The following CDH4 variants were observed in gnomAD, a reference collection of about 807,000 sequenced individuals.
CDH4 encodes the protein cadherin 4.
In CDH4, 33 loss-of-function variants were observed where a neutral mutation model predicts 86.0. The observed-to-expected ratio is 0.38, with a 90% CI of 0.29 to 0.51. The LOEUF is 0.51. CDH4 is among the 20% of genes least tolerant of loss of function. The pLI is 0.86. For missense variants in CDH4, 1,114 were observed against 1,307.4 expected (o/e 0.85, Z 2.28); for synonymous variants, 555 against 549.4 (o/e 1.01, Z -0.14).
rs951937752 is a variant in CDH4, at chr20:61,352,557, C to T, written c.169+97620C>T. On this transcript the variant is annotated intron_variant, in intron 2 of 15. Coordinates refer to ENST00000614565, the MANE Select transcript of CDH4 (RefSeq NM_001794.5). ...TCTCCGGTGCGCGGGACGTCCAGCC[C>T]TTTTCGTTTCTGACCTGGTGGAAAG... Among the ~76,000 whole-genome samples the T allele has an allele frequency of 1.2e-4, 19 of 152,314 alleles. No individual in the cohort carries two copies. In the East Asian group the frequency reaches 2.3e-3, roughly 19 times the overall value.
chr20:61,655,199 A>T (rs1371981519), intron 2 of CDH4, among the ~76,000 whole-genome samples: 1 of 152,222 alleles, frequency 6.6e-6, no homozygotes, highest in Non-Finnish European at 1.5e-5. Context: ...TTCACATGGG[A>T]AAACGGCTGG....
At chr20:61,872,443 A>AGT (rs1160299823) in intron 6 of CDH4, among the ~76,000 whole-genome samples, 1 of 152,012 alleles carries the variant, frequency 6.6e-6, no homozygotes, top group Non-Finnish European at 1.5e-5. Context: ...GTGTGGCGAG[A>AGT]GTCCTTCATC....
chr20:61,375,586 GCACTGGTGGTGGT>G (rs2084863064), intron 2 of CDH4, among the ~76,000 whole-genome samples: 2 of 86,074 alleles, frequency 2.3e-5, no homozygotes, highest in Non-Finnish European at 4.6e-5. Flanking sequence ...GGTGGTCATA[GCACTGGTGGTGGT>G]CATAGCACTG....
chr20:61,585,976 G>A (rs1251503689), intron 2 of CDH4, among the ~76,000 whole-genome samples: 1 of 143,646 alleles, frequency 7.0e-6, no homozygotes, highest in Non-Finnish European at 1.5e-5. Flanking sequence ...TGGTGATGAT[G>A]TGATGATGAT....
chr20:61,634,330 G>T (rs2086925097), intron 2 of CDH4, among the ~76,000 whole-genome samples: 1 of 152,198 alleles, frequency 6.6e-6, no homozygotes, highest in Non-Finnish European at 1.5e-5. Context: ...CAGAAGGAAT[G>T]GTGAAACAAA....
intron 2 of CDH4, among the ~76,000 whole-genome samples, chr20:61,405,681 T>C (rs1186705152): frequency 6.6e-6 from 1 of 150,876 alleles, no homozygotes; most frequent in Non-Finnish European, 1.5e-5. Context: ...ATTATAGCTA[T>C]ATCTATGTAT....
intron 2 of CDH4, among the ~76,000 whole-genome samples, chr20:61,374,069 G>C (rs2084854068): frequency 6.6e-6 from 1 of 152,158 alleles, no homozygotes; most frequent in Non-Finnish European, 1.5e-5. Context: ...GATGGTGACA[G>C]AGCATGGACC....
intron 3 of CDH4, among the ~76,000 whole-genome samples, chr20:61,763,070 C>A (rs537739178): frequency 6.6e-6 from 1 of 152,322 alleles, no homozygotes; most frequent in East Asian, 1.9e-4. Flanking sequence ...CAGTGCAGGA[C>A]CTGGCCGCTG....
At chr20:61,888,998 T>C (rs1984667970) in intron 7 of CDH4, among the ~76,000 whole-genome samples, 1 of 152,176 alleles carries the variant, frequency 6.6e-6, no homozygotes, top group Non-Finnish European at 1.5e-5. Context: ...TCTCTCCCCA[T>C]TGTTGGCTTT....
At position 61,252,426 on chromosome 20, in the gene CDH4, AGCG is replaced by A; in HGVS notation, c.-80_-78del. On this transcript the variant is annotated 5_prime_UTR_variant, in exon 1 of 16. Transcript: ENST00000614565. The surrounding 1 kb of genome is among the most constrained non-coding windows in gnomAD (Gnocchi z 4.4). ...GAGCGGCGGCGGCGGCGGCGATCGGAGCGGCGGCGGTGGTCTCGGCGGCGGCGG... is the reference window on the plus strand; with the variant it reads ...GAGCGGCGGCGGCGGCGGCGATCGGAGCGGCGGTGGTCTCGGCGGCGGCGG... 2 of 520,476 alleles carry A rather than the reference AGCG, an allele frequency of 3.8e-6. No individual in the cohort carries two copies. Among genetic ancestry groups the A allele is most frequent in the Non-Finnish European group, 4.8e-6 (2 of 420,264 alleles). 32.2% of individuals were successfully genotyped at this position (520,476 alleles called of 1,614,324 possible).
intron 4 of CDH4, among the ~76,000 whole-genome samples, chr20:61,778,562 C>A (rs1205825700): frequency 6.6e-6 from 1 of 151,978 alleles, no homozygotes; most frequent in Non-Finnish European, 1.5e-5. Flanking sequence ...GGCTGTGGAG[C>A]CAGGGGTATC....
Position 61,480,345 on chromosome 20 carries a change from C to T in CDH4, c.169+225408C>T, listed in dbSNP as rs892444493. On this transcript the variant is annotated intron_variant, in intron 2 of 15. Coordinates refer to ENST00000614565, the MANE Select transcript of CDH4 (RefSeq NM_001794.5). This position sits in a 1 kb window ranked among gnomAD's most constrained non-coding sequence, Gnocchi z 5.2. ...GGGCCACTGCCCTGTGCCACTGCCT[C>T]AGCACCATTGTCTGTCTATTTTGTT... Among the ~76,000 whole-genome samples, 6 of 152,200 alleles carry T rather than the reference C, an allele frequency of 3.9e-5. No homozygotes were observed. Among genetic ancestry groups the T allele is most frequent in the Non-Finnish European group, 7.3e-5 (5 of 68,034 alleles).
intron 2 of CDH4, among the ~76,000 whole-genome samples, chr20:61,304,317 T>C (rs1249800943): frequency 1.3e-5 from 2 of 148,468 alleles, no homozygotes; most frequent in African/African-American, 4.9e-5. Context: ...ACTTCCTAGG[T>C]AATCACTGAA....
chr20:61,762,997 G>C (rs1413752975), intron 3 of CDH4, among the ~76,000 whole-genome samples: 2 of 152,238 alleles, frequency 1.3e-5, no homozygotes, highest in Non-Finnish European at 2.9e-5. Context: ...AGGTGGACTT[G>C]TGCCATGCCA....
chr20:61,511,314 C>T (rs553787145), intron 2 of CDH4, among the ~76,000 whole-genome samples: 1 of 152,214 alleles, frequency 6.6e-6, no homozygotes, highest in Non-Finnish European at 1.5e-5. Flanking sequence ...GCCTGGAAGT[C>T]GTCTTACGTT....
chr20:61,876,779 C>T (rs993708787), intron 7 of CDH4, among the ~76,000 whole-genome samples: 4 of 152,104 alleles, frequency 2.6e-5, no homozygotes, highest in South Asian at 2.1e-4. Flanking sequence ...TCCTTCAGCA[C>T]GAATGTCTAT....
At chr20:61,592,251 T>G (rs1298914573) in intron 2 of CDH4, among the ~76,000 whole-genome samples, 1 of 152,138 alleles carries the variant, frequency 6.6e-6, no homozygotes, top group Non-Finnish European at 1.5e-5. Context: ...CTTGGTACAA[T>G]TGATTTCACC....
At chr20:61,568,094 G>C (rs1488357910) in intron 2 of CDH4, among the ~76,000 whole-genome samples, 2 of 152,142 alleles carry the variant, frequency 1.3e-5, no homozygotes, top group African/African-American at 4.8e-5. Context: ...GAAAAGCAAA[G>C]GTCTAGAGGC....
chr20:61,423,869 C>G (rs1200340097), intron 2 of CDH4, among the ~76,000 whole-genome samples: 1 of 152,218 alleles, frequency 6.6e-6, no homozygotes, highest in Non-Finnish European at 1.5e-5. Context: ...CGCCTGGCCT[C>G]TGGCGGCATC....
Sources: allele counts gnomAD v4.1 joint callset (sites outside exome capture counted in the v4.1 genomes callset), GRCh38; gene constraint gnomAD v4.1.1; non-coding constraint Gnocchi (gnomAD v3.1); transcripts MANE v1.5; gene names NCBI Gene and HGNC (gene_info 2026-07-23, HGNC 2026-07-21).